Variants in CPNE5 observed in about 807,000 individuals in gnomAD.
CPNE5 encodes the protein copine 5, also known as copine-5.
A neutral mutation model predicts 81.1 loss-of-function variants in CPNE5; 42 were observed. The observed-to-expected ratio is 0.52, with a 90% CI of 0.40 to 0.67. The LOEUF is 0.67. CPNE5 is among the 30% of genes least tolerant of loss of function. The pLI is 0.00. For synonymous variants in CPNE5, 313 were observed against 321.5 expected, an observed-to-expected ratio of 0.97 and a Z score of 0.28; for missense variants, 612 against 815.5, an observed-to-expected ratio of 0.75 and a Z score of 3.04.
chr6:36,838,224 A>G (rs534499071), intron 1 of CPNE5, among the ~76,000 whole-genome samples: 7 of 152,344 alleles, frequency 4.6e-5, no homozygotes, highest in African/African-American at 1.7e-4. Context: ...CCTCTCATGG[A>G]GGGTCTGACC....
At chr6:36,781,380 T>C (rs956419015) in intron 8 of CPNE5, among the ~76,000 whole-genome samples, 8 of 147,802 alleles carry the variant, frequency 5.4e-5, no homozygotes, top group Non-Finnish European at 8.9e-5. Context: ...CTTCATACTT[T>C]ATACAACCAT....
At chr6:36,808,681 T>C (rs1309229018) in intron 3 of CPNE5, among the ~76,000 whole-genome samples, 1 of 152,156 alleles carries the variant, frequency 6.6e-6, no homozygotes, top group Non-Finnish European at 1.5e-5. Context: ...AGAAGGGACA[T>C]GCAGGGAGTG....
chr6:36,826,149 C>T (rs185063572), intron 1 of CPNE5, among the ~76,000 whole-genome samples: 8 of 152,136 alleles, frequency 5.3e-5, no homozygotes, highest in Admixed American at 3.9e-4. Flanking sequence ...TGTGTGTTTG[C>T]GTGTGTGCAT....
At chr6:36,788,381 C>T (rs1247107290) in intron 8 of CPNE5, among the ~76,000 whole-genome samples, 1 of 152,078 alleles carries the variant, frequency 6.6e-6, no homozygotes, top group Non-Finnish European at 1.5e-5. Flanking sequence ...GGCAGTAGCC[C>T]CACAAGGGAC....
intron 13 of CPNE5, 138 bp downstream of exon 13, chr6:36,756,107 C>G (rs236443): frequency 0.31 from 131,939 of 426,362 alleles, 22,737 homozygotes; most frequent in Admixed American, 0.35. Flanking sequence ...CACCCCTCCC[C>G]ACCCCATCTC....
At chr6:36,761,698 A>C (rs1229395326) in intron 12 of CPNE5, among the ~76,000 whole-genome samples, 1 of 152,168 alleles carries the variant, frequency 6.6e-6, no homozygotes, top group Non-Finnish European at 1.5e-5. Flanking sequence ...TGTTCCATTA[A>C]CTTATTTAAT....
intron 3 of CPNE5, among the ~76,000 whole-genome samples, chr6:36,801,763 C>T (rs1360677484): frequency 1.3e-5 from 2 of 151,958 alleles, no homozygotes; most frequent in Admixed American, 6.6e-5. Context: ...CCAAATTCAT[C>T]GATGCAGAAA....
rs1306539844 is a variant in CPNE5, at chr6:36,766,060, G to C, written c.738-684C>G. 6.6e-6 allele frequency among the ~76,000 whole-genome samples: 1 copy of C among 152,172 alleles called. No individual in the cohort carries two copies. The highest frequency in any genetic ancestry group is 1.5e-5 in the Non-Finnish European group (1 of 68,010). ...CAGGCTAGCGGACCAGAGCTGGGAG[G>C]AGGGAGGTGGAGGGTTGCGGTTAAC... On this transcript the variant is annotated intron_variant, in intron 10 of 20. Coordinates refer to ENST00000244751, the MANE Select transcript of CPNE5 (RefSeq NM_020939.2). This position sits in a 1 kb window ranked among gnomAD's most constrained non-coding sequence, Gnocchi z 4.2.
chr6:36,833,430 T>C (rs1233335119), intron 1 of CPNE5, among the ~76,000 whole-genome samples: 1 of 152,196 alleles, frequency 6.6e-6, no homozygotes, highest in Non-Finnish European at 1.5e-5. Context: ...GGTTAGTCAC[T>C]CATGCGATTG....
At chr6:36,834,774 C>G (rs74382947) in intron 1 of CPNE5, among the ~76,000 whole-genome samples, 10 of 152,140 alleles carry the variant, frequency 6.6e-5, no homozygotes, top group African/African-American at 2.4e-4. Flanking sequence ...CCTAGCTCCA[C>G]TGACCTGAGT....
chr6:36,792,267 C>G (rs949456566), intron 7 of CPNE5, 171 bp from the exon 8 acceptor site: 1 of 1,353,942 alleles, frequency 7.4e-7, no homozygotes, highest in African/African-American at 1.4e-5. Flanking sequence ...GCAGTGTGGC[C>G]TAGTGCACTG....
At position 36,837,920 on chromosome 6, in the gene CPNE5, C is replaced by T. The variant is rs117771087; in HGVS notation, c.95+1363G>A. ...AGGAGGTGAGACTGGAGCTAATGGG[C>T]CATCAGGAATCTCCCAGCAGAGTAA... On this transcript the variant is annotated intron_variant, in intron 1 of 20. Transcript: ENST00000244751. Among the ~76,000 whole-genome samples the T allele has an allele frequency of 5.9e-4, 90 of 152,052 alleles. No homozygotes were observed. The East Asian group carries it at 0.016, about 27-fold the overall frequency.
At chr6:36,834,655 CA>C (rs764110245) in intron 1 of CPNE5, among the ~76,000 whole-genome samples, 343 of 126,316 alleles carry the variant, frequency 2.7e-3, no homozygotes, top group Middle Eastern at 4.1e-3. Context: ...GACTCCATCT[CA>C]AAAAAAAAAA....
At chr6:36,836,637 GTGCAGTGGGGAGGGACTTGAC>G (rs1207412029) in intron 1 of CPNE5, among the ~76,000 whole-genome samples, 1 of 152,200 alleles carries the variant, frequency 6.6e-6, no homozygotes, top group Non-Finnish European at 1.5e-5. Flanking sequence ...CTGAGAGCGG[GTGCAGTGGGGAGGGACTTGAC>G]TTTAACTGGC....
At chr6:36,808,437 T>C (rs1266108900) in intron 3 of CPNE5, among the ~76,000 whole-genome samples, 2 of 152,072 alleles carry the variant, frequency 1.3e-5, no homozygotes, top group African/African-American at 2.4e-5. Context: ...TTCCTCCTCA[T>C]CACCCACCAG....
intron 1 of CPNE5, among the ~76,000 whole-genome samples, chr6:36,823,768 C>T (rs372493728): frequency 4.6e-5 from 7 of 152,260 alleles, no homozygotes; most frequent in African/African-American, 1.7e-4. Context: ...AATAAAGGCT[C>T]CCATTTACTG....
At chr6:36,764,495 C>T (rs1034996644) in intron 11 of CPNE5, among the ~76,000 whole-genome samples, 1 of 152,096 alleles carries the variant, frequency 6.6e-6, no homozygotes, top group Non-Finnish European at 1.5e-5. Context: ...CACTGGGGGA[C>T]CTTGAAGTCC....
At chr6:36,756,120 T>A in intron 13 of CPNE5, 125 bp downstream of exon 13, 3 of 432,816 alleles carry the variant, frequency 6.9e-6, no homozygotes, top group Non-Finnish European at 8.7e-6. Flanking sequence ...CCCATCTCTC[T>A]TGGATGTCTG....
intron 8 of CPNE5, among the ~76,000 whole-genome samples, chr6:36,784,949 G>GA (rs11384684): frequency 0.62 from 85,440 of 137,268 alleles, 26,728 homozygotes; most frequent in East Asian, 0.82. Context: ...AGAGAGAGAG[G>GA]AAAAAAAAAA....
Sources: allele counts gnomAD v4.1 joint callset (sites outside exome capture counted in the v4.1 genomes callset), GRCh38; gene constraint gnomAD v4.1.1; non-coding constraint Gnocchi (gnomAD v3.1); transcripts MANE v1.5; gene names NCBI Gene and HGNC (gene_info 2026-07-23, HGNC 2026-07-21).